RNF10: variants seen among roughly 807,000 people sequenced by gnomAD.
RNF10 encodes the protein E3 ubiquitin-protein ligase RNF10.
In RNF10, 38 loss-of-function variants were observed where a neutral mutation model predicts 91.4. The observed-to-expected ratio is 0.42, with a 90% CI of 0.32 to 0.54. RNF10 has a LOEUF of 0.54. Ranked by LOEUF, RNF10 falls within the 20% of genes least tolerant of loss-of-function variation. RNF10 has a pLI of 0.16. For missense variants in RNF10, 945 were observed against 1,012.0 expected, an observed-to-expected ratio of 0.93 and a Z score of 0.90; for synonymous variants, 364 against 366.3, an observed-to-expected ratio of 0.99 and a Z score of 0.07.
rs1238581745 is a variant in RNF10, at chr12:120,577,389, G to T, written c.*723G>T. ...CAGTGACTGGCTTGAGTCATAGGAG[G>T]AGGAGTCTGGTACAGCTGCAGGAGA... On this transcript the variant is annotated 3_prime_UTR_variant, in exon 17 of 17. Coordinates refer to ENST00000325954, the MANE Select transcript of RNF10 (RefSeq NM_014868.5). 1.5e-5 allele frequency: 5 copies of T among 339,024 alleles called. No individual in the cohort carries two copies. Among genetic ancestry groups the T allele is most frequent in the Non-Finnish European group, 2.3e-5 (4 of 175,224 alleles). The allele number at this position is 339,024 out of a possible 1,614,324, so 21.0% of individuals were successfully genotyped here. A position where few individuals can be genotyped will look rare whatever the true frequency, so the allele number is the denominator to read the frequency against.
At chr12:120,567,834 C>T (rs966809256) in intron 13 of RNF10, among the ~76,000 whole-genome samples, 3 of 151,518 alleles carry the variant, frequency 2.0e-5, no homozygotes, top group African/African-American at 7.3e-5. Context: ...ACCACCACCA[C>T]CACAAAACTA....
chr12:120,545,280 C>A (rs1028461003), intron 1 of RNF10, among the ~76,000 whole-genome samples: 8 of 151,308 alleles, frequency 5.3e-5, no homozygotes, highest in Non-Finnish European at 1.2e-4. Context: ...TCCTGGGGTT[C>A]ACGCCGTTCT....
chr12:120,557,738 T>C, intron 6 of RNF10, 56 bp downstream of exon 6: 1 of 1,580,940 alleles, frequency 6.3e-7, no homozygotes. Flanking sequence ...TTAAGGTGAT[T>C]GAATATATCT....
At chr12:120,552,926 G>A (rs1873336646) in intron 3 of RNF10, among the ~76,000 whole-genome samples, 1 of 151,860 alleles carries the variant, frequency 6.6e-6, no homozygotes, top group Non-Finnish European at 1.5e-5. Flanking sequence ...ATCATGATAA[G>A]GTAGAAAACA....
At chr12:120,556,500 CAGCCTGGGTG>C (rs1874032830) in intron 4 of RNF10, among the ~76,000 whole-genome samples, 1 of 119,678 alleles carries the variant, frequency 8.4e-6, no homozygotes, top group Non-Finnish European at 1.6e-5. Context: ...CACTGCACTC[CAGCCTGGGTG>C]ACAGAGTGAG....
intron 1 of RNF10, among the ~76,000 whole-genome samples, chr12:120,544,244 C>G (rs564251949): frequency 2.5e-4 from 37 of 150,818 alleles, no homozygotes; most frequent in African/African-American, 8.8e-4. Flanking sequence ...AAAGATAAAC[C>G]AGGCATGGTG....
At chr12:120,554,680 C>G in intron 3 of RNF10, 38 bp from the exon 4 acceptor site, 1 of 1,481,996 alleles carries the variant, frequency 6.7e-7, no homozygotes, top group Non-Finnish European at 9.4e-7. Context: ...TTGGTAGATC[C>G]TGACAGTCTA....
intron 7 of RNF10, among the ~76,000 whole-genome samples, chr12:120,562,275 T>TTC (rs1011352438): frequency 2.3e-5 from 3 of 131,510 alleles, no homozygotes; most frequent in South Asian, 2.3e-4. Context: ...TTCTTTCTTT[T>TTC]TTTTTTTTTT....
chr12:120,555,180 C>T (rs1365307756), intron 4 of RNF10, among the ~76,000 whole-genome samples: 4 of 152,206 alleles, frequency 2.6e-5, no homozygotes, highest in Admixed American at 2.0e-4. Flanking sequence ...ATGAGCCACA[C>T]AGTTGTACTT....
intron 3 of RNF10, among the ~76,000 whole-genome samples, chr12:120,553,447 G>T (rs1268304540): frequency 7.1e-6 from 1 of 140,332 alleles, no homozygotes; most frequent in African/African-American, 2.7e-5. Flanking sequence ...CTGTCACCCA[G>T]GCTGGAGTGC....
intron 1 of RNF10, among the ~76,000 whole-genome samples, chr12:120,536,455 TAAAAC>T (rs929477287): frequency 1.4e-4 from 21 of 151,292 alleles, no homozygotes; most frequent in African/African-American, 4.1e-4. Context: ...AAGGCTGACT[TAAAAC>T]AAACAAAAAA....
Position 120,577,302 on chromosome 12 carries a change from G to T in RNF10, c.*636G>T, listed in dbSNP as rs1050866640. Reference sequence around the variant, plus strand: ...CTCTTCTTGAGCATGGCTTGAGTTGGTAAGGAAAGCTGTAACTCACGAAGC... The same window carrying T: ...CTCTTCTTGAGCATGGCTTGAGTTGTTAAGGAAAGCTGTAACTCACGAAGC... On this transcript the variant is annotated 3_prime_UTR_variant, in exon 17 of 17. Transcript: ENST00000325954. 2 of 401,630 alleles carry T rather than the reference G, an allele frequency of 5.0e-6. No individual in the cohort carries two copies. The highest frequency in any genetic ancestry group is 7.7e-5 in the East Asian group (1 of 12,968). The allele number at this position is 401,630 out of a possible 1,614,324, so 24.9% of individuals were successfully genotyped here.
intron 1 of RNF10, chr12:120,539,528 T>G (rs189286796): frequency 3.7e-6 from 3 of 800,012 alleles, no homozygotes; most frequent in Admixed American, 4.7e-5. Context: ...TGACTGGTAT[T>G]CTGACCTCTA....
At chr12:120,539,785 G>A (rs944447042) in intron 1 of RNF10, among the ~76,000 whole-genome samples, 2 of 152,042 alleles carry the variant, frequency 1.3e-5, no homozygotes, top group African/African-American at 4.8e-5. Flanking sequence ...TGTCTTGACA[G>A]TAGTTCTTGG....
At chr12:120,551,006 G>C (rs1232488548) in intron 2 of RNF10, among the ~76,000 whole-genome samples, 1 of 151,946 alleles carries the variant, frequency 6.6e-6, no homozygotes. Flanking sequence ...TTATTTTTGA[G>C]ACAGGGTCTT....
At chr12:120,561,030 CAAT>C in intron 7 of RNF10, 144 bp downstream of exon 7, 2 of 860,054 alleles carry the variant, frequency 2.3e-6, no homozygotes, top group Non-Finnish European at 3.4e-6. Flanking sequence ...ACATTTAAGA[CAAT>C]AAGCAGAGAA....
rs936745062 is a variant in RNF10, at chr12:120,554,709, T to A, written c.555-9T>A. 4.3e-6 allele frequency: 7 copies of A among 1,609,552 alleles called. No individual in the cohort carries two copies. In the African/African-American group the frequency reaches 9.4e-5, roughly 22 times the overall value. On this transcript the variant is annotated splice_polypyrimidine_tract_variant and intron_variant, in intron 3 of 16. Coordinates refer to ENST00000325954, the MANE Select transcript of RNF10 (RefSeq NM_014868.5). ...CAGTCTAGCTTTTTCCTGTCTTTCCTATTTCTAGCTGCCAATTTGTGGTGT... is the reference window on the plus strand; with the variant it reads ...CAGTCTAGCTTTTTCCTGTCTTTCCAATTTCTAGCTGCCAATTTGTGGTGT...
At chr12:120,567,253 T>C (rs1875888203) in intron 13 of RNF10, among the ~76,000 whole-genome samples, 1 of 152,048 alleles carries the variant, frequency 6.6e-6, no homozygotes, top group Non-Finnish European at 1.5e-5. Context: ...TATTTTTGTT[T>C]CTAGTTTTTG....
At position 120,534,666 on chromosome 12, in the gene RNF10, G is replaced by A. The variant is rs1870460296; in HGVS notation, c.-146G>A. 2 of 1,372,254 alleles carry A rather than the reference G, an allele frequency of 1.5e-6. No individual in the cohort carries two copies. Among genetic ancestry groups the A allele is most frequent in the African/African-American group, 1.5e-5 (1 of 64,810 alleles). 85.0% of individuals were successfully genotyped at this position (1,372,254 alleles called of 1,614,324 possible). A position where few individuals can be genotyped will look rare whatever the true frequency, so the allele number is the denominator to read the frequency against. The stretch of plus-strand genomic sequence containing the variant: ...GCCGCTTCTCTTCCTAGTTTGAGAA[G>A]CCAAGGAAGGAAACAGGGAAAAATG... On this transcript the variant is annotated 5_prime_UTR_variant, in exon 1 of 17. Coordinates refer to ENST00000325954, the MANE Select transcript of RNF10 (RefSeq NM_014868.5).
Sources: allele counts gnomAD v4.1 joint callset (sites outside exome capture counted in the v4.1 genomes callset), GRCh38; gene constraint gnomAD v4.1.1; transcripts MANE v1.5; gene names NCBI Gene and HGNC (gene_info 2026-07-23, HGNC 2026-07-21).